PTER: variants seen among roughly 807,000 people sequenced by gnomAD.
The protein encoded by PTER is phosphotriesterase related.
In PTER, 38 loss-of-function variants were observed where a neutral mutation model predicts 29.6. That is an observed-to-expected ratio of 1.28 (90% CI 0.99 to 1.68). The LOEUF is 1.68. Ranked by LOEUF, PTER falls within the 40% of genes most tolerant of loss-of-function variation. PTER has a pLI of 0.00. For missense variants in PTER, 482 were observed against 427.8 expected, an observed-to-expected ratio of 1.13 and a Z score of -1.12; for synonymous variants, 172 against 154.5, an observed-to-expected ratio of 1.11 and a Z score of -0.84.
chr10:16,505,247 A>G, intron 4 of PTER, 87 bp downstream of exon 4: 1 of 1,515,834 alleles, frequency 6.6e-7, no homozygotes, highest in Non-Finnish European at 8.9e-7. Flanking sequence ...AAAGATTCAG[A>G]AAACAGTAAG....
chr10:16,496,918 C>A (rs1836127788), intron 3 of PTER, among the ~76,000 whole-genome samples: 1 of 151,048 alleles, frequency 6.6e-6, no homozygotes, highest in South Asian at 2.1e-4. Context: ...TGCCTCTCAG[C>A]AGGTGGTTCT....
chr10:16,459,833 C>T (rs189431861), intron 1 of PTER, among the ~76,000 whole-genome samples: 59 of 152,216 alleles, frequency 3.9e-4, no homozygotes, highest in African/African-American at 1.3e-3. Flanking sequence ...CCACAACCTC[C>T]GCCTCCCGGG....
At chr10:16,481,799 ACT>A (rs989449771) in intron 1 of PTER, among the ~76,000 whole-genome samples, 25 of 152,096 alleles carry the variant, frequency 1.6e-4, no homozygotes, top group African/African-American at 5.8e-4. Flanking sequence ...CCCCTCTGTG[ACT>A]CTCTGGAACA....
chr10:16,445,650 C>T (rs1833989561), intron 1 of PTER, among the ~76,000 whole-genome samples: 1 of 152,282 alleles, frequency 6.6e-6, no homozygotes, highest in Non-Finnish European at 1.5e-5. Context: ...AGCCATGGCA[C>T]AAATCCGGTG....
chr10:16,471,189 G>A (rs1009682576), intron 1 of PTER, among the ~76,000 whole-genome samples: 10 of 152,274 alleles, frequency 6.6e-5, no homozygotes, highest in East Asian at 1.9e-4. Flanking sequence ...GAAATATTGC[G>A]CAGGAACAAT....
At chr10:16,463,664 T>C (rs7917008) in intron 1 of PTER, among the ~76,000 whole-genome samples, 94,316 of 151,112 alleles carry the variant, frequency 0.62, 30,499 homozygotes, top group East Asian at 0.8. Context: ...GATCCGCTCA[T>C]CTCGGCTTCC....
intron 1 of PTER, among the ~76,000 whole-genome samples, chr10:16,463,711 C>T (rs571707400): frequency 2.6e-5 from 4 of 152,300 alleles, no homozygotes; most frequent in South Asian, 2.1e-4. Flanking sequence ...CCACCATGCC[C>T]GGCCAACGCA....
chr10:16,443,606 C>G (rs1833917063), intron 1 of PTER, among the ~76,000 whole-genome samples: 1 of 152,176 alleles, frequency 6.6e-6, no homozygotes. Flanking sequence ...TGACTTTAAA[C>G]ATTTATGTAA....
chr10:16,486,849 T>C (rs2133455243), intron 3 of PTER: 1 of 484,578 alleles, frequency 2.1e-6, no homozygotes, highest in South Asian at 3.5e-5. Context: ...ACATAAGATA[T>C]TTCGCATAAG....
chr10:16,446,196 A>C (rs1322220671), intron 1 of PTER, among the ~76,000 whole-genome samples: 1 of 151,486 alleles, frequency 6.6e-6, no homozygotes, highest in South Asian at 2.1e-4. Context: ...ATAGAGGTGC[A>C]ATGCACGCCA....
intron 3 of PTER, among the ~76,000 whole-genome samples, chr10:16,503,123 G>A (rs1349614761): frequency 1.0e-5 from 1 of 99,498 alleles, no homozygotes; most frequent in East Asian, 3.3e-4. Context: ...TTTTCACCAT[G>A]TTGGCCAGGC....
chr10:16,495,794 T>C (rs1368850947), intron 3 of PTER, among the ~76,000 whole-genome samples: 2 of 152,174 alleles, frequency 1.3e-5, no homozygotes, highest in East Asian at 3.9e-4. Context: ...GGCACTAGAT[T>C]AGGAGTTGGA....
intron 1 of PTER, among the ~76,000 whole-genome samples, chr10:16,466,049 C>T (rs546520529): frequency 4.6e-5 from 7 of 152,184 alleles, no homozygotes; most frequent in South Asian, 2.1e-4. Context: ...TGGGTGGGGA[C>T]GTGAAGCCAA....
intron 1 of PTER, among the ~76,000 whole-genome samples, chr10:16,456,858 A>T (rs1834412564): frequency 1.5e-5 from 1 of 65,416 alleles, no homozygotes; most frequent in Admixed American, 1.6e-4. Flanking sequence ...AACCATGGGG[A>T]AGGTGGGGGG....
chr10:16,495,001 A>G (rs74874049), intron 3 of PTER, among the ~76,000 whole-genome samples: 9,380 of 152,086 alleles, frequency 0.062, 562 homozygotes, highest in East Asian at 0.15. Context: ...ACATTTTAAA[A>G]TTAATTTTAG....
chr10:16,483,313 A>ATT (rs1218563777), intron 1 of PTER, among the ~76,000 whole-genome samples: 1 of 152,094 alleles, frequency 6.6e-6, no homozygotes. Context: ...GCTTTTCAGT[A>ATT]TTTTTGAAGT....
intron 1 of PTER, among the ~76,000 whole-genome samples, chr10:16,460,714 A>G (rs1338760654): frequency 3.3e-5 from 5 of 152,180 alleles, no homozygotes; most frequent in Non-Finnish European, 7.3e-5. Context: ...AGTTGCAGAT[A>G]TAAGTCTAAT....
intron 1 of PTER, among the ~76,000 whole-genome samples, chr10:16,458,279 T>C (rs575196242): frequency 2.0e-5 from 3 of 152,248 alleles, no homozygotes; most frequent in East Asian, 1.9e-4. Context: ...ATTAATCTTA[T>C]GTGGTAATGC....
intron 1 of PTER, among the ~76,000 whole-genome samples, chr10:16,456,829 A>T (rs921736955): frequency 3.3e-5 from 4 of 120,736 alleles, no homozygotes; most frequent in Non-Finnish European, 6.7e-5. Context: ...TGTGGGAGGG[A>T]CCTGGTGGGA....
Sources: gnomAD v4.1 joint callset for allele counts (sites outside exome capture counted in the v4.1 genomes callset) on GRCh38, gnomAD v4.1.1 for gene constraint, MANE v1.5 for transcripts, NCBI Gene and HGNC (gene_info 2026-07-23, HGNC 2026-07-21) for gene names.